The following RELCH variants were observed in gnomAD, a reference collection of about 807,000 sequenced individuals.
The protein encoded by RELCH is RAB11-binding protein RELCH.
In RELCH, 41 loss-of-function variants were observed where a neutral mutation model predicts 150.3. The observed-to-expected ratio is 0.27, with a 90% CI of 0.21 to 0.35. The LOEUF (loss-of-function observed/expected upper bound fraction) is 0.35, where lower values mean the gene tolerates loss of function less well. Among genes scored for constraint, RELCH ranks in the 10% least tolerant of loss-of-function variants. RELCH has a pLI of 1.00. For missense variants in RELCH, 1,092 were observed against 1,467.8 expected (o/e 0.74, Z 4.18); for synonymous variants, 478 against 531.8 (o/e 0.90, Z 1.39).
At chr18:62,201,886 A>G (rs2039474949) in intron 1 of RELCH, among the ~76,000 whole-genome samples, 1 of 152,208 alleles carries the variant, frequency 6.6e-6, no homozygotes, top group Non-Finnish European at 1.5e-5. Flanking sequence ...AGTGCCATGT[A>G]GTTTTCAAGG....
chr18:62,247,066 A>G (rs1340351633), intron 11 of RELCH: 1 of 152,226 alleles, frequency 6.6e-6, no homozygotes, highest in Non-Finnish European at 1.5e-5. Flanking sequence ...GCAGAACGAC[A>G]TTAAATTATT....
At chr18:62,282,587 T>G in intron 25 of RELCH, 143 bp downstream of exon 25, 1 of 762,444 alleles carries the variant, frequency 1.3e-6, no homozygotes, top group South Asian at 1.6e-5. Context: ...TGTGTACTCT[T>G]GTGTACTGAA....
intron 11 of RELCH, chr18:62,245,809 T>C (rs2042380037): frequency 6.6e-6 from 1 of 152,154 alleles, no homozygotes; most frequent in Non-Finnish European, 1.5e-5. Context: ...AATACACTTT[T>C]CTGCTTTCTA....
Position 62,264,127 on chromosome 18 carries a change from T to C in RELCH, c.2489T>C (p.Leu830Pro). 1 of 1,600,412 alleles carries C rather than the reference T, an allele frequency of 6.2e-7. No individual in the cohort carries two copies. Among genetic ancestry groups the C allele is most frequent in the Non-Finnish European group, 8.5e-7 (1 of 1,174,750 alleles). The change falls in exon 17 of 29, where the codon CTG becomes CCG. Residue 830 changes from leucine to proline, a missense_variant. Physicochemically the swap from Leu to Pro is moderately conservative, Grantham distance 98. Coordinates refer to ENST00000644646, the MANE Select transcript of RELCH (RefSeq NM_001346231.2). ...QEGTTGWESL[L>P]WVVNQLLPQL... The stretch of plus-strand genomic sequence containing the variant: ...GGTACAACAGGCTGGGAGAGTTTAC[T>C]GTGGGTTGTCAATCAATTGTAAGTT...
intron 28 of RELCH, among the ~76,000 whole-genome samples, chr18:62,299,694 G>C (rs961398873): frequency 4.6e-5 from 7 of 151,730 alleles, no homozygotes; most frequent in African/African-American, 1.7e-4. Context: ...TATTATTAGT[G>C]GTTTTTTATA....
intron 10 of RELCH, among the ~76,000 whole-genome samples, chr18:62,233,351 C>T (rs1438279306): frequency 6.6e-6 from 1 of 151,784 alleles, no homozygotes; most frequent in Non-Finnish European, 1.5e-5. Flanking sequence ...CTGATTCAAT[C>T]ATAATTTCTG....
At chr18:62,233,789 T>C (rs2041724684) in intron 10 of RELCH, among the ~76,000 whole-genome samples, 2 of 151,936 alleles carry the variant, frequency 1.3e-5, no homozygotes, top group African/African-American at 4.8e-5. Context: ...CTAATTATTA[T>C]GAAATTCAGT....
chr18:62,211,025 T>C, intron 1 of RELCH, 128 bp from the exon 2 acceptor site: 1 of 545,536 alleles, frequency 1.8e-6, no homozygotes, highest in Non-Finnish European at 3.2e-6. Flanking sequence ...CTGTTGTTGT[T>C]GTTTTAAAAG....
chr18:62,300,253 A>G (rs1376022813), intron 28 of RELCH: 3 of 152,116 alleles, frequency 2.0e-5, no homozygotes, highest in African/African-American at 7.2e-5. Flanking sequence ...AGATCTAGAG[A>G]CTTAATCAGA....
chr18:62,265,110 A>G (rs1188725882), intron 18 of RELCH, among the ~76,000 whole-genome samples: 2 of 152,092 alleles, frequency 1.3e-5, no homozygotes, highest in Non-Finnish European at 2.9e-5. Flanking sequence ...AGATATCCTC[A>G]AAGATTTTCA....
chr18:62,275,752 A>T lies in RELCH; in HGVS notation c.2967+279A>T, dbSNP rs2044174090. On this transcript the variant is annotated intron_variant, in intron 22 of 28. Transcript: ENST00000644646. Reference sequence around the variant, plus strand: ...CTTTTAAATCTTATTTTAATTTCTAACTTATATAACTCTTTCTGACTATAC... The same window carrying T: ...CTTTTAAATCTTATTTTAATTTCTATCTTATATAACTCTTTCTGACTATAC... Among the ~76,000 whole-genome samples, 5 of 152,120 alleles carry T rather than the reference A, an allele frequency of 3.3e-5. No individual in the cohort carries two copies. In the South Asian group the frequency reaches 1.0e-3, roughly 31 times the overall value.
chr18:62,268,104 T>C (rs1179040495), intron 19 of RELCH, among the ~76,000 whole-genome samples: 1 of 152,012 alleles, frequency 6.6e-6, no homozygotes, highest in East Asian at 1.9e-4. Context: ...TAAAGCCATA[T>C]AAAAAATAAG....
Position 62,281,953 on chromosome 18 carries a change from G to A in RELCH, c.3115-353G>A, listed in dbSNP as rs111639768. Among the ~76,000 whole-genome samples the A allele has an allele frequency of 7.6e-3, 1,161 of 152,054 alleles. 12 individuals carry two copies. The highest frequency in any genetic ancestry group is 0.037 in the East Asian group (192 of 5,170). On this transcript the variant is annotated intron_variant, in intron 24 of 28. Coordinates refer to ENST00000644646, the MANE Select transcript of RELCH (RefSeq NM_001346231.2). ...ATTGCTTTCAGAAGGTGAATAATTGGGTAACTTACAGTGTGATTTGTTTTA... is the reference window on the plus strand; with the variant it reads ...ATTGCTTTCAGAAGGTGAATAATTGAGTAACTTACAGTGTGATTTGTTTTA...
intron 1 of RELCH, among the ~76,000 whole-genome samples, chr18:62,203,523 T>C (rs1217695552): frequency 6.6e-6 from 1 of 152,210 alleles, no homozygotes; most frequent in African/African-American, 2.4e-5. Context: ...TATAATTTTA[T>C]AGCATGTTAA....
intron 21 of RELCH, 138 bp downstream of exon 21, chr18:62,274,224 G>A (rs2044069896): frequency 1.7e-6 from 1 of 583,048 alleles, no homozygotes; most frequent in African/African-American, 2.0e-5. Flanking sequence ...GTTTTTTTGT[G>A]TATTTTAGTT....
chr18:62,301,876 A>G (rs1195754504), intron 28 of RELCH, among the ~76,000 whole-genome samples: 2 of 152,210 alleles, frequency 1.3e-5, no homozygotes, highest in South Asian at 2.1e-4. Context: ...CATTTTTCAT[A>G]TATTTGCTAA....
At chr18:62,265,181 ACTGT>A (rs1293435044) in intron 18 of RELCH, among the ~76,000 whole-genome samples, 1 of 152,062 alleles carries the variant, frequency 6.6e-6, no homozygotes, top group Non-Finnish European at 1.5e-5. Flanking sequence ...GCTGGTACTT[ACTGT>A]CTATCACAGG....
chr18:62,271,609 ATT>A (rs1471123803), intron 20 of RELCH, among the ~76,000 whole-genome samples: 1 of 152,010 alleles, frequency 6.6e-6, no homozygotes, highest in Non-Finnish European at 1.5e-5. Context: ...CCATTTGTCT[ATT>A]TTGGCTTTTG....
In RELCH at chr18:62,306,391, A is replaced by G. The variant is rs1410227045; in HGVS notation, c.*857A>G. ...GAGATACAGAAGAAAATATAGTTTG[A>G]ATCTGAAATTTAACACTTATTTATG... is the stretch of plus-strand genomic sequence containing the variant. On this transcript the variant is annotated 3_prime_UTR_variant, in exon 29 of 29. Coordinates refer to ENST00000644646, the MANE Select transcript of RELCH (RefSeq NM_001346231.2). The G allele has an allele frequency of 1.3e-5, 2 of 152,232 alleles. No homozygotes were observed. The highest frequency in any genetic ancestry group is 4.8e-5 in the African/African-American group (2 of 41,464). The allele number at this position is 152,232 out of a possible 1,614,324, so 9.4% of individuals were successfully genotyped here. A position where few individuals can be genotyped will look rare whatever the true frequency, so the allele number is the denominator to read the frequency against.
Sources: gnomAD v4.1 joint callset for allele counts (sites outside exome capture counted in the v4.1 genomes callset) on GRCh38, gnomAD v4.1.1 for gene constraint, MANE v1.5 for transcripts, NCBI Gene and HGNC (gene_info 2026-07-23, HGNC 2026-07-21) for gene names.